The following ATP2B2 variants were observed in gnomAD, a reference collection of about 807,000 sequenced individuals.
The protein encoded by ATP2B2 is ATPase plasma membrane Ca2+ transporting 2.
In ATP2B2, 15 loss-of-function variants were observed where a neutral mutation model predicts 120.0. The ratio of observed to expected loss-of-function variants is 0.12; its 90% CI spans 0.08 to 0.19. ATP2B2 has a LOEUF of 0.19. ATP2B2 is among the 10% of genes least tolerant of loss of function. The pLI, the probability that ATP2B2 is intolerant of heterozygous loss-of-function variation, is 1.00. For missense variants in ATP2B2, 1,045 were observed against 1,719.8 expected (o/e 0.61, Z 6.94); for synonymous variants, 694 against 700.3 (o/e 0.99, Z 0.14).
At chr3:10,348,099 T>C (rs1290687694) in intron 16 of ATP2B2, among the ~76,000 whole-genome samples, 1 of 152,192 alleles carries the variant, frequency 6.6e-6, no homozygotes, top group East Asian at 1.9e-4. Flanking sequence ...CCCACCCACA[T>C]GTGCCACCCA....
chr3:10,511,116 A>C (rs574867843), intron 3 of ATP2B2, among the ~76,000 whole-genome samples: 2 of 152,094 alleles, frequency 1.3e-5, no homozygotes, highest in African/African-American at 4.8e-5. Context: ...ACACTCTTGC[A>C]TTTCCGTGCC....
chr3:10,624,166 C>T (rs1408596869), intron 1 of ATP2B2, among the ~76,000 whole-genome samples: 2 of 152,142 alleles, frequency 1.3e-5, no homozygotes, highest in Admixed American at 1.3e-4. Flanking sequence ...TTAACTTGAC[C>T]TTGAAAACTT....
At chr3:10,667,461 G>A (rs75110758) in intron 1 of ATP2B2, among the ~76,000 whole-genome samples, 3,987 of 152,328 alleles carry the variant, frequency 0.026, 76 homozygotes, top group South Asian at 0.088. Context: ...AAGGCTGGGT[G>A]AGAACGCATC....
chr3:10,652,658 C>T (rs2070497160), intron 1 of ATP2B2, among the ~76,000 whole-genome samples: 1 of 152,156 alleles, frequency 6.6e-6, no homozygotes, highest in South Asian at 2.1e-4. Flanking sequence ...TTTGCACACC[C>T]ATGTTTGTGG....
chr3:10,447,330 A>T (rs889033606), intron 2 of ATP2B2, among the ~76,000 whole-genome samples: 3 of 152,244 alleles, frequency 2.0e-5, no homozygotes, highest in Non-Finnish European at 2.9e-5. Flanking sequence ...AACCAGCCGG[A>T]AATGGCCCTG....
chr3:10,540,111 T>C (rs528636458), intron 2 of ATP2B2, among the ~76,000 whole-genome samples: 17 of 152,144 alleles, frequency 1.1e-4, no homozygotes, highest in Admixed American at 5.9e-4. Flanking sequence ...AACAGACACA[T>C]GAAAAAATGC....
At chr3:10,643,469 G>C (rs1447600592) in intron 1 of ATP2B2, among the ~76,000 whole-genome samples, 1 of 152,156 alleles carries the variant, frequency 6.6e-6, no homozygotes, top group East Asian at 1.9e-4. Context: ...CCACAGATTG[G>C]GGAGAAAATA....
chr3:10,501,836 A>G (rs1281422050), intron 1 of ATP2B2, among the ~76,000 whole-genome samples: 1 of 152,094 alleles, frequency 6.6e-6, no homozygotes, highest in East Asian at 1.9e-4. Context: ...CTGAGCGCCT[A>G]TGTGCTCCAC....
rs112183794 is a variant in ATP2B2, at chr3:10,433,332, A to T, written c.199+16013T>A. On this transcript the variant is annotated intron_variant, in intron 2 of 22. Coordinates refer to ENST00000360273, the MANE Select transcript of ATP2B2 (RefSeq NM_001001331.4). ...GACCCCTTTTCTTTACTGGACACTC[A>T]GTGGCCTCTTGGGACTTGGCTTTCG... Among the ~76,000 whole-genome samples the T allele has an allele frequency of 5.5e-3, 832 of 152,236 alleles. 10 individuals are homozygous for T. Among genetic ancestry groups the T allele is most frequent in the African/African-American group, 0.019 (770 of 41,520 alleles).
chr3:10,637,965 T>C (rs886853815), intron 1 of ATP2B2, among the ~76,000 whole-genome samples: 4 of 150,472 alleles, frequency 2.7e-5, no homozygotes, highest in African/African-American at 9.8e-5. Flanking sequence ...CTAGAAGCAA[T>C]GCAAGTGAGA....
intron 2 of ATP2B2, chr3:10,566,262 C>CT (rs1487759879): frequency 6.6e-6 from 1 of 152,220 alleles, no homozygotes; most frequent in Non-Finnish European, 1.5e-5. Flanking sequence ...GGGGTAAGAG[C>CT]TGATGTTCAT....
chr3:10,576,870 C>A (rs1285768958), intron 2 of ATP2B2, among the ~76,000 whole-genome samples: 1 of 151,940 alleles, frequency 6.6e-6, no homozygotes, highest in African/African-American at 2.4e-5. Flanking sequence ...CGAGACCAGC[C>A]TGGTCAATAT....
intron 21 of ATP2B2, among the ~76,000 whole-genome samples, 159 bp from the exon 22 acceptor site, chr3:10,338,517 T>C (rs907483765): frequency 6.6e-6 from 1 of 150,634 alleles, no homozygotes; most frequent in Non-Finnish European, 1.5e-5. Flanking sequence ...GCCCAGTCTT[T>C]GACAATGTCT....
At chr3:10,426,007 T>C (rs1213703328) in intron 2 of ATP2B2, among the ~76,000 whole-genome samples, 2 of 152,106 alleles carry the variant, frequency 1.3e-5, no homozygotes, top group Non-Finnish European at 2.9e-5. Flanking sequence ...TCCTCTGCAG[T>C]CTCATTCCCC....
At chr3:10,559,544 C>A (rs1239721338) in intron 2 of ATP2B2, among the ~76,000 whole-genome samples, 1 of 150,772 alleles carries the variant, frequency 6.6e-6, no homozygotes, top group Non-Finnish European at 1.5e-5. Context: ...AAAAAAAAAA[C>A]TAGTGAATTA....
rs925257748 is a variant in ATP2B2 at position 10,346,417 on chromosome 3, C to T, written c.2405-280G>A. On this transcript the variant is annotated intron_variant, in intron 16 of 22. Transcript: ENST00000360273. The surrounding 1 kb of genome is among the most constrained non-coding windows in gnomAD (Gnocchi z 4.1). ...CTTTGCTGTCTGCAACCTGTGGCCA[C>T]ATTGGCATCCATCCTAACCAGAAAC... Among the ~76,000 whole-genome samples, 1 of 152,254 alleles carries T rather than the reference C, an allele frequency of 6.6e-6. No homozygotes were observed. The highest frequency in any genetic ancestry group is 2.4e-5 in the African/African-American group (1 of 41,462).
At position 10,369,735 on chromosome 3, in the gene ATP2B2, GCAC is replaced by G. The variant is rs2061171898; in HGVS notation, c.1659+2071_1659+2073del. Among the ~76,000 whole-genome samples the G allele has an allele frequency of 2.0e-5, 3 of 152,256 alleles. No homozygotes were observed. The South Asian group carries it at 6.3e-4, about 32-fold the overall frequency. On this transcript the variant is annotated intron_variant, in intron 12 of 22. Coordinates refer to ENST00000360273, the MANE Select transcript of ATP2B2 (RefSeq NM_001001331.4). ...TCTCCCCCTCCCCTAGGAAACTGAG[GCAC>G]CAAGAGGTTAAATAATTTGTTTATA...
chr3:10,531,467 A>G (rs1001497984), intron 3 of ATP2B2, among the ~76,000 whole-genome samples: 2 of 152,140 alleles, frequency 1.3e-5, no homozygotes, highest in Admixed American at 6.5e-5. Context: ...CCTTTGTACA[A>G]TGGGGATAAG....
chr3:10,346,001 C>T lies in ATP2B2; in HGVS notation c.2511+30G>A. 4.4e-6 allele frequency: 7 copies of T among 1,592,758 alleles called. No individual in the cohort carries two copies. The highest frequency in any genetic ancestry group is 6.0e-6 in the Non-Finnish European group (7 of 1,171,056). ...GTAGTCCAATCTCCCCAGCCCCCACCACCCCAGGCCCTCTGTGGGCCGTTC... is the reference window on the plus strand; with the variant it reads ...GTAGTCCAATCTCCCCAGCCCCCACTACCCCAGGCCCTCTGTGGGCCGTTC... On this transcript the variant is annotated intron_variant, in intron 17 of 22. Coordinates refer to ENST00000360273, the MANE Select transcript of ATP2B2 (RefSeq NM_001001331.4). The surrounding 1 kb of genome is among the most constrained non-coding windows in gnomAD (Gnocchi z 4.1).
Sources: gnomAD v4.1 joint callset for allele counts (sites outside exome capture counted in the v4.1 genomes callset) on GRCh38, gnomAD v4.1.1 for gene constraint, Gnocchi (gnomAD v3.1) non-coding constraint, MANE v1.5 for transcripts, NCBI Gene and HGNC (gene_info 2026-07-23, HGNC 2026-07-21) for gene names.